The following ADARB1 variants were observed in gnomAD, a reference collection of about 807,000 sequenced individuals.
The protein encoded by ADARB1 is adenosine deaminase RNA specific B1.
ADARB1 carries 10 observed loss-of-function variants against 52.4 expected under a neutral mutation model. The ratio of observed to expected loss-of-function variants is 0.19; its 90% CI spans 0.12 to 0.32. ADARB1 has a LOEUF of 0.32. Ranked by LOEUF, ADARB1 falls within the 10% of genes least tolerant of loss-of-function variation. ADARB1 has a pLI of 1.00. For synonymous variants in ADARB1, 349 were observed against 371.1 expected (o/e 0.94, Z 0.68); for missense variants, 643 against 922.3 (o/e 0.70, Z 3.92).
At chr21:45,181,303 C>T in intron 5 of ADARB1, among the ~76,000 whole-genome samples, 1 of 152,188 alleles carries the variant, frequency 6.6e-6, no homozygotes. Flanking sequence ...CTTCACTGAC[C>T]CACCTCTTGC....
chr21:45,158,338 A>G (rs920255571), intron 2 of ADARB1, among the ~76,000 whole-genome samples: 1 of 152,156 alleles, frequency 6.6e-6, no homozygotes, highest in Non-Finnish European at 1.5e-5. Flanking sequence ...TCCCATCTGA[A>G]GAGGGTATCA....
chr21:45,128,232 A>G lies in ADARB1; in HGVS notation c.-219-170A>G, dbSNP rs1241016890. Among the ~76,000 whole-genome samples the G allele has an allele frequency of 1.3e-5, 2 of 152,274 alleles. No individual in the cohort carries two copies. The highest frequency in any genetic ancestry group is 2.1e-4 in the South Asian group (1 of 4,836). On this transcript the variant is annotated intron_variant, in intron 1 of 10. Coordinates refer to ENST00000348831, the MANE Select transcript of ADARB1 (RefSeq NM_001112.4). This position sits in a 1 kb window ranked among gnomAD's most constrained non-coding sequence, Gnocchi z 4.6. ...CGGACGGAGACGTGATGGATTGCGC[A>G]TATCCCCTTTACAGATTCGGAAGAG... is the stretch of plus-strand genomic sequence containing the variant.
At chr21:45,119,199 C>G (rs191680318) in intron 1 of ADARB1, among the ~76,000 whole-genome samples, 3 of 152,288 alleles carry the variant, frequency 2.0e-5, no homozygotes, top group Non-Finnish European at 2.9e-5. Context: ...AAGCAATACT[C>G]CTGTTATCAG....
chr21:45,199,690 C>G (rs1425254278), intron 8 of ADARB1, among the ~76,000 whole-genome samples: 1 of 152,198 alleles, frequency 6.6e-6, no homozygotes, highest in African/African-American at 2.4e-5. Context: ...ATAAATTTGA[C>G]TAAATTAAAA....
rs117184322 is a variant in ADARB1, at chr21:45,157,064, G to A, written c.-47-14546G>A. ...AGAAGGCCCAGATCTCCTAGAACCC[G>A]TTGTAATGGCTATGTGTGTACCTTT... On this transcript the variant is annotated intron_variant, in intron 2 of 10. Transcript: ENST00000348831. The surrounding 1 kb of genome is among the most constrained non-coding windows in gnomAD (Gnocchi z 4.1). Among the ~76,000 whole-genome samples, 35 of 152,304 alleles carry A rather than the reference G, an allele frequency of 2.3e-4. No homozygotes were observed. The South Asian group carries it at 3.5e-3, about 15-fold the overall frequency.
intron 1 of ADARB1, among the ~76,000 whole-genome samples, chr21:45,077,504 A>G (rs1290370717): frequency 6.6e-6 from 1 of 152,028 alleles, no homozygotes; most frequent in Admixed American, 6.6e-5. Flanking sequence ...TCTCTACTAA[A>G]AAAATATAAA....
chr21:45,102,416 A>G (rs1018915359), intron 1 of ADARB1, among the ~76,000 whole-genome samples: 3 of 152,212 alleles, frequency 2.0e-5, no homozygotes, highest in African/African-American at 4.8e-5. Context: ...CCACAACTAT[A>G]TTTTTTAAAC....
intron 1 of ADARB1, among the ~76,000 whole-genome samples, chr21:45,111,236 T>G (rs1320747362): frequency 6.6e-6 from 1 of 152,234 alleles, no homozygotes; most frequent in Non-Finnish European, 1.5e-5. Flanking sequence ...GGTTTGTCAC[T>G]TGAGCTTGTA....
rs1049600083 is a variant in ADARB1, at chr21:45,221,929, T to C, written c.1927-89T>C. 7.0e-7 allele frequency: 1 copy of C among 1,432,598 alleles called. No homozygotes were observed. The highest frequency in any genetic ancestry group is 1.4e-5 in the African/African-American group (1 of 71,064). 88.7% of individuals were successfully genotyped at this position (1,432,598 alleles called of 1,614,324 possible). A position where few individuals can be genotyped will look rare whatever the true frequency, so the allele number is the denominator to read the frequency against. ...CTTTCCCCCCAGAAGCCAATGCAGT[T>C]CTGAAGGCCATGTTTTGGTATCTTA... On this transcript the variant is annotated intron_variant, in intron 10 of 10. Coordinates refer to ENST00000348831, the MANE Select transcript of ADARB1 (RefSeq NM_001112.4). This position sits in a 1 kb window ranked among gnomAD's most constrained non-coding sequence, Gnocchi z 4.9.
At chr21:45,126,610 T>C (rs894918816) in intron 1 of ADARB1, among the ~76,000 whole-genome samples, 1 of 152,178 alleles carries the variant, frequency 6.6e-6, no homozygotes, top group African/African-American at 2.4e-5. Context: ...TGAGTCACTG[T>C]TCAAGTCACA....
chr21:45,093,081 C>T (rs763145264), intron 1 of ADARB1, among the ~76,000 whole-genome samples: 10 of 152,110 alleles, frequency 6.6e-5, no homozygotes, highest in African/African-American at 9.7e-5. Flanking sequence ...AATATTCACA[C>T]AATAGGCACA....
chr21:45,161,172 G>A (rs2090943063), intron 2 of ADARB1, among the ~76,000 whole-genome samples: 1 of 152,146 alleles, frequency 6.6e-6, no homozygotes, highest in Non-Finnish European at 1.5e-5. Context: ...GGGAGGCTAG[G>A]GCTCTGTGCT....
At chr21:45,087,116 G>GA (rs895601034) in intron 1 of ADARB1, among the ~76,000 whole-genome samples, 4 of 152,216 alleles carry the variant, frequency 2.6e-5, no homozygotes, top group African/African-American at 9.7e-5. Context: ...ATCAGAAGAG[G>GA]AAGTCGGTGA....
At chr21:45,212,669 G>A (rs530098533) in intron 9 of ADARB1, among the ~76,000 whole-genome samples, 3 of 152,052 alleles carry the variant, frequency 2.0e-5, no homozygotes, top group Admixed American at 1.3e-4. Context: ...CATGATCTTG[G>A]CTGATTGTTT....
intron 2 of ADARB1, among the ~76,000 whole-genome samples, chr21:45,147,304 G>T (rs1285836410): frequency 6.6e-6 from 1 of 152,138 alleles, no homozygotes; most frequent in African/African-American, 2.4e-5. Flanking sequence ...AGGTTTTATT[G>T]TTTCTTATTT....
intron 1 of ADARB1, among the ~76,000 whole-genome samples, chr21:45,092,567 A>C (rs1601294574): frequency 6.6e-6 from 1 of 152,192 alleles, no homozygotes; most frequent in South Asian, 2.1e-4. Flanking sequence ...TTTAGTCAAA[A>C]GTTAACTTTT....
chr21:45,155,268 C>A (rs553286302), intron 2 of ADARB1, among the ~76,000 whole-genome samples: 10 of 152,224 alleles, frequency 6.6e-5, no homozygotes, highest in Admixed American at 6.5e-4. Context: ...GGCCTGCTCC[C>A]CCTGAGTACT....
chr21:45,144,218 A>C (rs755636183), intron 2 of ADARB1, among the ~76,000 whole-genome samples: 3 of 152,244 alleles, frequency 2.0e-5, no homozygotes, highest in Non-Finnish European at 4.4e-5. Flanking sequence ...AATTCTAATA[A>C]ACTCATATTT....
At chr21:45,088,716 T>C (rs2086443743) in intron 1 of ADARB1, among the ~76,000 whole-genome samples, 1 of 152,206 alleles carries the variant, frequency 6.6e-6, no homozygotes, top group Non-Finnish European at 1.5e-5. Flanking sequence ...AGTTATTTAT[T>C]TATTAAAAAG....
Sources: allele counts gnomAD v4.1 joint callset (sites outside exome capture counted in the v4.1 genomes callset), GRCh38; gene constraint gnomAD v4.1.1; non-coding constraint Gnocchi (gnomAD v3.1); transcripts MANE v1.5; gene names NCBI Gene and HGNC (gene_info 2026-07-23, HGNC 2026-07-21).